Variants in LAS1L observed in about 807,000 individuals in gnomAD.
The protein encoded by LAS1L is ribosomal biogenesis protein LAS1L.
Under a neutral mutation model 57.3 loss-of-function variants are expected in LAS1L, and 5 were observed. The observed-to-expected ratio is 0.09, with a 90% CI of 0.05 to 0.18. The LOEUF is 0.18. LAS1L is among the 10% of genes least tolerant of loss of function. The pLI is 1.00. For missense variants in LAS1L, 360 were observed against 568.3 expected (o/e 0.63, Z 3.73); for synonymous variants, 245 against 231.7 (o/e 1.06, Z -0.52).
chrX:65,534,548 A>C lies in LAS1L; in HGVS notation c.168T>G (p.Val56=), dbSNP rs780755851. 2 of 1,208,951 alleles carry C rather than the reference A, an allele frequency of 1.7e-6. No homozygotes were observed. The highest frequency in any genetic ancestry group is 2.2e-6 in the Non-Finnish European group (2 of 894,151). ...ACTTATGGTCGTCACAGAACAGATAAACCGTCACCTGGTCCCACTCGGCCC... is the reference window on the plus strand; with the variant it reads ...ACTTATGGTCGTCACAGAACAGATACACCGTCACCTGGTCCCACTCGGCCC... ...LSRAEWDQVT[V]YLFCDDHKLQ... is the part of the protein sequence containing the mutation. The change falls in exon 1 of 14, where the codon GTT becomes GTG. Residue 56 remains valine, a synonymous_variant. Transcript: ENST00000374811.
At chrX:65,531,030 T>C (rs1419620495) in intron 4 of LAS1L, among the ~76,000 whole-genome samples, 2 of 111,336 alleles carry the variant, frequency 1.8e-5, no homozygotes, top group African/African-American at 6.5e-5. Context: ...CAAAAAAACC[T>C]CTGTAGTCAA....
At chrX:65,524,915 C>A (rs755624711) in intron 8 of LAS1L, 50 bp downstream of exon 8, 1 of 1,082,713 alleles carries the variant, frequency 9.2e-7, no homozygotes, top group East Asian at 3.1e-5. Flanking sequence ...CCAGCTGTTT[C>A]CACCCAGGAA....
At chrX:65,520,168 G>A (rs1306335508) in intron 11 of LAS1L, among the ~76,000 whole-genome samples, 2 of 111,722 alleles carry the variant, frequency 1.8e-5, no homozygotes, top group African/African-American at 6.5e-5. Context: ...GAGTATGTCT[G>A]GTCATAGCTC....
At chrX:65,518,494 A>G in intron 11 of LAS1L, 29 bp from the exon 12 acceptor site, 1 of 1,159,887 alleles carries the variant, frequency 8.6e-7, no homozygotes, top group Non-Finnish European at 1.1e-6. Flanking sequence ...GGGGTAGGAA[A>G]GATTCAAAAT....
intron 7 of LAS1L, 58 bp from the exon 8 acceptor site, chrX:65,525,108 T>G: frequency 1.0e-6 from 1 of 955,393 alleles, no homozygotes; most frequent in South Asian, 2.1e-5. Context: ...CCTCTCCTAC[T>G]CCTCCACCCA....
rs182118842 is a variant in LAS1L at position 65,534,041 on chromosome X, C to T, written c.237-306G>A. 2.0e-3 allele frequency among the ~76,000 whole-genome samples: 219 copies of T among 111,571 alleles called. No homozygotes were observed. In the Middle Eastern group the frequency reaches 0.023, roughly 12 times the overall value. ...TCATTGAGCTAGAGGAGCCCCTTAT[C>T]CCTTGTAAGTCGGCTCCCAACTCAA... On this transcript the variant is annotated intron_variant, in intron 1 of 13. Transcript: ENST00000374811.
At chrX:65,513,299 A>G (rs2068511800) in intron 13 of LAS1L, among the ~76,000 whole-genome samples, 1 of 111,865 alleles carries the variant, frequency 8.9e-6, no homozygotes, top group Admixed American at 9.4e-5. Context: ...CCCACACCCA[A>G]CACCTGGTTA....
intron 7 of LAS1L, among the ~76,000 whole-genome samples, chrX:65,527,181 G>T (rs1447608705): frequency 2.5e-5 from 2 of 81,133 alleles, no homozygotes; most frequent in Non-Finnish European, 4.5e-5. Flanking sequence ...CCACTGCACT[G>T]CAGCGTGGGC....
Position 65,521,285 on chromosome X carries a change from G to A in LAS1L, c.1448+2275C>T, listed in dbSNP as rs773460793. 9.7e-5 allele frequency: 73 copies of A among 752,354 alleles called. No individual in the cohort carries two copies. The Admixed American group carries it at 4.5e-3, about 46-fold the overall frequency. 62.0% of individuals were successfully genotyped at this position (752,354 alleles called of 1,213,427 possible). A position where few individuals can be genotyped will look rare whatever the true frequency, so the allele number is the denominator to read the frequency against. ...ACTGGGTCAGCTCCCACCAAGGACA[G>A]CACTGCTGGGAATGAGAGAGCAGAG... On this transcript the variant is annotated intron_variant, in intron 11 of 13. Coordinates refer to ENST00000374811, the MANE Select transcript of LAS1L (RefSeq NM_031206.7).
rs760370953 is a variant in LAS1L, at chrX:65,518,137, C to T, written c.1777G>A (p.Glu593Lys). 1.7e-6 allele frequency: 2 copies of T among 1,194,260 alleles called. No homozygotes were observed. Among genetic ancestry groups the T allele is most frequent in the Non-Finnish European group, 2.3e-6 (2 of 880,753 alleles). The change falls in exon 12 of 14, where the codon GAG becomes AAG. Residue 593 changes from glutamate to lysine, a missense_variant. Glu to Lys is a moderately conservative substitution (Grantham distance 56, BLOSUM62 1). Coordinates refer to ENST00000374811, the MANE Select transcript of LAS1L (RefSeq NM_031206.7). ...EENDDQEEEE[E>K]DEDDEDDEEE... ...TCATCATCTTCATCATCTTCATCCT[C>T]CTCTTCCTCCTCTTGGTCATCATTT...
intron 7 of LAS1L, among the ~76,000 whole-genome samples, chrX:65,525,762 A>G (rs1391801378): frequency 9.3e-6 from 1 of 108,029 alleles, no homozygotes; most frequent in African/African-American, 3.5e-5. Flanking sequence ...AAAAAAAAAA[A>G]AAAAAAGAAA....
intron 11 of LAS1L, chrX:65,521,285 G>GCTCC: frequency 4.0e-6 from 3 of 753,818 alleles, no homozygotes; most frequent in Non-Finnish European, 4.7e-6. Flanking sequence ...ACCAAGGACA[G>GCTCC]CACTGCTGGG....
Position 65,529,886 on chromosome X carries a change from G to A in LAS1L, c.515-8C>T. On this transcript the variant is annotated splice_region_variant and splice_polypyrimidine_tract_variant and intron_variant, in intron 4 of 13. Transcript: ENST00000374811. The stretch of plus-strand genomic sequence containing the variant: ...CCAGGACAAAGTAGCAGCCTAGAGG[G>A]GGGAAGGCAGGCAGTGCCACAGGAT... 4 of 1,207,489 alleles carry A rather than the reference G, an allele frequency of 3.3e-6. No individual in the cohort carries two copies. Among genetic ancestry groups the A allele is most frequent in the Non-Finnish European group, 4.5e-6 (4 of 892,568 alleles).
chrX:65,520,958 TG>T, intron 11 of LAS1L: 1 of 753,999 alleles, frequency 1.3e-6, no homozygotes, highest in Non-Finnish European at 1.6e-6. Flanking sequence ...CTGCTTGAAT[TG>T]TTCAAATGCC....
At chrX:65,522,246 C>T (rs760843697) in intron 11 of LAS1L, 8 of 109,669 alleles carry the variant, frequency 7.3e-5, no homozygotes, top group Non-Finnish European at 1.3e-4. Context: ...GACCTCAGGT[C>T]GAGGGGGCCC....
intron 5 of LAS1L, 62 bp from the exon 6 acceptor site, chrX:65,529,320 T>C: frequency 1.1e-6 from 1 of 937,615 alleles, no homozygotes; most frequent in South Asian, 2.2e-5. Context: ...CTGATGGGAT[T>C]CTGAGCCTCT....
intron 11 of LAS1L, chrX:65,522,112 C>A (rs1004906471): frequency 1.8e-5 from 2 of 111,099 alleles, no homozygotes; most frequent in African/African-American, 6.6e-5. Flanking sequence ...GAGGCCCCAG[C>A]GATGCTGGCA....
Position 65,534,762 on chromosome X carries a change from T to G in LAS1L, c.-47A>C. On this transcript the variant is annotated 5_prime_UTR_variant, in exon 1 of 14. Transcript: ENST00000374811. ...TGTGCCGCGCCGCTCCGCACAGCCT[T>G]CAGCTCAGCGTGCTACCCTCACTCC... The G allele has an allele frequency of 9.6e-7, 1 of 1,037,670 alleles. No individual in the cohort carries two copies. The allele number at this position is 1,037,670 out of a possible 1,213,427, so 85.5% of individuals were successfully genotyped here. A position where few individuals can be genotyped will look rare whatever the true frequency, so the allele number is the denominator to read the frequency against.
At position 65,514,844 on chromosome X, in the gene LAS1L, T is replaced by G; in HGVS notation, c.2057A>C (p.Glu686Ala). Reference sequence around the variant, plus strand: ...TCACTCAGTCTTGCATGTTGAGGGTTCCAGCCGCTGCTCTAGCACAGGCTG... The same window carrying G: ...TCACTCAGTCTTGCATGTTGAGGGTGCCAGCCGCTGCTCTAGCACAGGCTG... Reference protein sequence around the residue: ...LDQPVLEQRLEPSTCKTDTLG... With the variant: ...LDQPVLEQRLAPSTCKTDTLG... Residue 686 changes from glutamate (E) to alanine (A), a missense_variant, in exon 13 of 14, where the codon GAA (glutamate) becomes GCA (alanine). This residue lies in a region of LAS1L where 123 missense variants were observed against 168.3 expected (regional missense o/e 0.73). Transcript: ENST00000374811. 8.4e-7 allele frequency: 1 copy of G among 1,197,429 alleles called. No homozygotes were observed. Among genetic ancestry groups the G allele is most frequent in the Non-Finnish European group, 1.1e-6 (1 of 887,392 alleles).
Sources: allele counts gnomAD v4.1 joint callset (sites outside exome capture counted in the v4.1 genomes callset), GRCh38; gene constraint gnomAD v4.1.1; regional missense constraint gnomAD v4.1.1; transcripts MANE v1.5; gene names NCBI Gene and HGNC (gene_info 2026-07-23, HGNC 2026-07-21).